Variants in CDC42BPG observed in about 807,000 individuals in gnomAD.
The protein encoded by CDC42BPG is CDC42 binding protein kinase gamma.
A neutral mutation model predicts 192.2 loss-of-function variants in CDC42BPG; 157 were observed. That is an observed-to-expected ratio of 0.82 (90% CI 0.72 to 0.93). CDC42BPG has a LOEUF of 0.93. CDC42BPG is among the 40% of genes least tolerant of loss of function. CDC42BPG has a pLI of 0.00. For synonymous variants in CDC42BPG, 981 were observed against 918.5 expected (o/e 1.07, Z -1.23); for missense variants, 1,992 against 2,122.1 (o/e 0.94, Z 1.20).
rs1001252663 is a variant in CDC42BPG at position 64,839,233 on chromosome 11, C to T, written c.676G>A (p.Val226Met). The change falls in exon 7 of 37, where the codon GTG becomes ATG. Residue 226 changes from valine (V) to methionine (M), a missense_variant and splice_region_variant. Val to Met is a conservative substitution (Grantham distance 21). This residue lies in a region of CDC42BPG where 1,656 missense variants were observed against 1,844.3 expected (regional missense o/e 0.90). Coordinates refer to ENST00000342711, the MANE Select transcript of CDC42BPG (RefSeq NM_017525.3). ...GTCCCTACTGCCACTGATGAATCCACCTGTGGGTGGTGGTGGTGAAGCCAT... is the reference window on the plus strand; with the variant it reads ...GTCCCTACTGCCACTGATGAATCCATCTGTGGGTGGTGGTGGTGAAGCCAT... ...SCLRLNTNGM[V>M]DSSVAVGTPD... 3 of 1,612,934 alleles carry T rather than the reference C, an allele frequency of 1.9e-6. No homozygotes were observed. The highest frequency in any genetic ancestry group is 2.2e-5 in the South Asian group (2 of 91,090).
chr11:64,844,104 A>G (rs577092749), intron 1 of CDC42BPG, among the ~76,000 whole-genome samples: 20 of 152,150 alleles, frequency 1.3e-4, no homozygotes, highest in Middle Eastern at 3.4e-3. Context: ...GGAAATCTGT[A>G]AGGGACTCTA....
chr11:64,829,783 T>C lies in CDC42BPG; in HGVS notation c.3655A>G (p.Ile1219Val), dbSNP rs1349476409. ...GPGPGPWQRR[I>V]RELQAPATVQ... ...GTGGCAGGTGCCTGCAGCTCACGGA[T>C]GCGGCGCTGCCAGGGCCCAGGGCCC... Residue 1219 changes from isoleucine to valine, a missense_variant, in exon 30 of 37, where the codon ATC (isoleucine) becomes GTC (valine). This residue lies in a region of CDC42BPG where 1,656 missense variants were observed against 1,844.3 expected (regional missense o/e 0.90). Transcript: ENST00000342711. The C allele has an allele frequency of 6.3e-7, 1 of 1,599,428 alleles. No individual in the cohort carries two copies. The highest frequency in any genetic ancestry group is 8.5e-7 in the Non-Finnish European group (1 of 1,175,104).
chr11:64,825,910 A>G (rs1407660377), intron 36 of CDC42BPG, among the ~76,000 whole-genome samples: 1 of 152,010 alleles, frequency 6.6e-6, no homozygotes, highest in Non-Finnish European at 1.5e-5. Context: ...TACTTAAAAT[A>G]CAAGAATTAG....
chr11:64,844,410 C>T lies in CDC42BPG; in HGVS notation c.160G>A (p.Ala54Thr). 1 of 1,463,204 alleles carries T rather than the reference C, an allele frequency of 6.8e-7. No individual in the cohort carries two copies. The highest frequency in any genetic ancestry group is 9.0e-7 in the Non-Finnish European group (1 of 1,113,716). The allele number at this position is 1,463,204 out of a possible 1,614,324, so 90.6% of individuals were successfully genotyped here. Residue 54 changes from alanine to threonine, a missense_variant and splice_region_variant, in exon 1 of 37, where the codon GCC (alanine) becomes ACC (threonine). By Grantham distance (58) the Ala-to-Thr change is moderately conservative (BLOSUM62 0). Transcript: ENST00000342711. Reference sequence around the variant, plus strand: ...CGCTCCGTGCCGCCCCGCCACTCACCCCAGCTCAGGAACTGCGCCACGCTG... The same window carrying T: ...CGCTCCGTGCCGCCCCGCCACTCACTCCAGCTCAGGAACTGCGCCACGCTG... ...ERSVAQFLSWASPFVSKVKEL... is the reference protein window; with the variant it reads ...ERSVAQFLSWTSPFVSKVKEL...
chr11:64,824,417 C>G lies in CDC42BPG; in HGVS notation c.*56G>C. ...GCCGGAGTATGGCATTCCTCAAGCT[C>G]TTTGCTCCCTCATGTCCTTCTGCCC... On this transcript the variant is annotated 3_prime_UTR_variant, in exon 37 of 37. Coordinates refer to ENST00000342711, the MANE Select transcript of CDC42BPG (RefSeq NM_017525.3). 1 of 1,209,154 alleles carries G rather than the reference C, an allele frequency of 8.3e-7. No individual in the cohort carries two copies. The highest frequency in any genetic ancestry group is 1.2e-6 in the Non-Finnish European group (1 of 808,772). The allele number at this position is 1,209,154 out of a possible 1,614,324, so 74.9% of individuals were successfully genotyped here.
rs1229883305 is a variant in CDC42BPG, at chr11:64,834,335, T to A, written c.2344A>T (p.Lys782Ter). The change falls in exon 20 of 37, where the codon AAG (lysine) becomes TAG (stop). Residue 782 changes from lysine (K) to a stop codon, truncating the protein, a stop_gained. Coordinates refer to ENST00000342711, the MANE Select transcript of CDC42BPG (RefSeq NM_017525.3). LOFTEE classifies it high-confidence loss of function. ...TCCTGTTGCAGGGCCTGGCTCTGCT[T>A]CTCGGCCTCCTGCAGACGGCTGGGG... ...QAERRLQEAE[K>*]QSQALQQELA... 1.9e-6 allele frequency: 3 copies of A among 1,573,902 alleles called. No homozygotes were observed. The highest frequency in any genetic ancestry group is 1.4e-5 in the African/African-American group (1 of 73,920).
rs778659476 is a variant in CDC42BPG at position 64,829,487 on chromosome 11, T to C, written c.3951A>G (p.Ala1317=). The change falls in exon 30 of 37, where the codon GCA becomes GCG. Residue 1317 remains alanine, a synonymous_variant. Transcript: ENST00000342711. ...AGGCCTTACCCCAGCCCATGGGCGC[T>C]GCTGGCCACAACAGCTCGTGGCCAC... ...KSRGHELLWP[A]APMGWGYAAP... 2.5e-5 allele frequency: 41 copies of C among 1,612,736 alleles called. 1 individual carries two copies. The South Asian group carries it at 4.4e-4, about 17-fold the overall frequency.
chr11:64,836,188 C>T lies in CDC42BPG; in HGVS notation c.1597G>A (p.Glu533Lys), dbSNP rs752981623. ...CGGGTCTGGCTAGCTGTGGCCGCCT[C>T]TCTCTCCTGGGCCTCCTGTAGCCTC... ...LQRLQEAQER[E>K]AATASQTRAL... Residue 533 changes from glutamate to lysine, a missense_variant, in exon 13 of 37, where the codon GAG becomes AAG. Around this residue, in one of 2 missense-constraint regions of CDC42BPG, gnomAD observed 1,656 missense variants for 1,844.3 expected, o/e 0.90. Transcript: ENST00000342711. The T allele has an allele frequency of 6.3e-7, 1 of 1,597,058 alleles. No homozygotes were observed. The highest frequency in any genetic ancestry group is 8.5e-7 in the Non-Finnish European group (1 of 1,173,656).
chr11:64,827,647 C>T (rs758576550), intron 31 of CDC42BPG, 36 bp from the exon 32 acceptor site: 1 of 1,605,474 alleles, frequency 6.2e-7, no homozygotes, highest in South Asian at 1.1e-5. Context: ...GCCACGCCTC[C>T]ACCCCCGGCG....
At chr11:64,841,600 C>A in intron 3 of CDC42BPG, 50 bp downstream of exon 3, 1 of 1,534,010 alleles carries the variant, frequency 6.5e-7, no homozygotes. Flanking sequence ...ATACACCTCC[C>A]CCACACCCAT....
rs375836820 is a variant in CDC42BPG at position 64,834,278 on chromosome 11, G to C, written c.2401C>G (p.Arg801Gly). ...LAMLREELRA[R>G]GPVDTKPSNS... ...GGCAGCCACTCACCCACTGGCCCTC[G>C]GGCCCGCAGCTCCTCCCGCAGCATG... Residue 801 changes from arginine (R) to glycine (G), a missense_variant, in exon 20 of 37, where the codon CGA (arginine) becomes GGA (glycine). Physicochemically the swap from Arg to Gly is moderately radical, Grantham distance 125. Transcript: ENST00000342711. The C allele has an allele frequency of 3.2e-6, 5 of 1,573,924 alleles. No individual in the cohort carries two copies. The highest frequency in any genetic ancestry group is 3.4e-6 in the Non-Finnish European group (4 of 1,165,664).
chr11:64,837,765 C>T (rs1943085614), intron 9 of CDC42BPG, among the ~76,000 whole-genome samples: 1 of 152,196 alleles, frequency 6.6e-6, no homozygotes, highest in Non-Finnish European at 1.5e-5. Context: ...CCTGGTCCAT[C>T]CCACCCATTT....
rs753709120 is a variant in CDC42BPG, at chr11:64,826,575, G to C, written c.4514-20C>G. 18 of 1,596,726 alleles carry C rather than the reference G, an allele frequency of 1.1e-5. No homozygotes were observed. Among genetic ancestry groups the C allele is most frequent in the Non-Finnish European group, 1.5e-5 (18 of 1,172,430 alleles). The stretch of plus-strand genomic sequence containing the variant: ...TCTTCACTGCTCCAGCAGCAGACGA[G>C]GAGACAAAAATACCAAGATCAGATT... On this transcript the variant is annotated intron_variant, in intron 35 of 36. Coordinates refer to ENST00000342711, the MANE Select transcript of CDC42BPG (RefSeq NM_017525.3).
intron 9 of CDC42BPG, 49 bp downstream of exon 9, chr11:64,838,034 G>A: frequency 1.3e-6 from 2 of 1,500,950 alleles, no homozygotes; most frequent in Non-Finnish European, 1.8e-6. Context: ...GTGTCCTCCA[G>A]GTCAGGCAAC....
chr11:64,844,305 G>T, intron 1 of CDC42BPG, 105 bp downstream of exon 1: 1 of 1,139,142 alleles, frequency 8.8e-7, no homozygotes, highest in Non-Finnish European at 1.1e-6. Context: ...AGTCTGCGAG[G>T]GAAGCCCGTG....
chr11:64,824,316 T>C lies in CDC42BPG; in HGVS notation c.*157A>G. ...GCTGGGAGTCAGGACCCCCAAGTCC[T>C]GGGAACCCAGGCAAGTCTCCCAGTC... On this transcript the variant is annotated 3_prime_UTR_variant, in exon 37 of 37. Transcript: ENST00000342711. The C allele has an allele frequency of 4.2e-6, 3 of 720,936 alleles. No homozygotes were observed. Among genetic ancestry groups the C allele is most frequent in the East Asian group, 2.6e-5 (1 of 38,412 alleles). The allele number at this position is 720,936 out of a possible 1,614,324, so 44.7% of individuals were successfully genotyped here.
In CDC42BPG at chr11:64,840,576, C is replaced by T. The variant is rs780630955; in HGVS notation, c.409G>A (p.Ala137Thr). The change falls in exon 4 of 37, where the codon GCC (alanine) becomes ACC (threonine). Residue 137 changes from alanine to threonine, a missense_variant. By Grantham distance (58) the Ala-to-Thr change is moderately conservative. This residue lies in a region of CDC42BPG where 1,656 missense variants were observed against 1,844.3 expected (regional missense o/e 0.90). Transcript: ENST00000342711. ...DSRWVTTLHY[A>T]FQDEEYLYLV... Reference sequence around the variant, plus strand: ...ACCAGGTACTCCTCGTCTTGGAAGGCATAGTGCAGAGTGGTCACCCAACGG... The same window carrying T: ...ACCAGGTACTCCTCGTCTTGGAAGGTATAGTGCAGAGTGGTCACCCAACGG... The T allele has an allele frequency of 3.7e-6, 6 of 1,614,000 alleles. No individual in the cohort carries two copies. The East Asian group carries it at 1.1e-4, about 30-fold the overall frequency.
Position 64,833,280 on chromosome 11 carries a change from G to A in CDC42BPG, c.2682C>T (p.Arg894=), listed in dbSNP as rs953595993. 3.2e-6 allele frequency: 5 copies of A among 1,547,536 alleles called. No individual in the cohort carries two copies. In the African/African-American group the frequency reaches 4.1e-5, roughly 13 times the overall value. Residue 894 remains arginine, a synonymous_variant, in exon 24 of 37, where the codon CGC becomes CGT. Coordinates refer to ENST00000342711, the MANE Select transcript of CDC42BPG (RefSeq NM_017525.3). ...CCAGGCCCAGCATCAGCGAGGTGCA[G>A]CGGAGACACTTGGTCGGGGATGGGA... The part of the protein sequence containing the change: ...RSFPSPTKCL[R]CTSLMLGLGR...
rs552122404 is a variant in CDC42BPG, at chr11:64,843,570, C to T, written c.160+840G>A. 2.4e-3 allele frequency among the ~76,000 whole-genome samples: 363 copies of T among 152,296 alleles called. 1 individual carries two copies. Among genetic ancestry groups the T allele is most frequent in the African/African-American group, 8.0e-3 (333 of 41,564 alleles). ...TAGTTGCCCACTGGGCAAACACCTGCCTCACCCCGCCCTGGCCAGGCCCCC... is the reference window on the plus strand; with the variant it reads ...TAGTTGCCCACTGGGCAAACACCTGTCTCACCCCGCCCTGGCCAGGCCCCC... On this transcript the variant is annotated intron_variant, in intron 1 of 36. Coordinates refer to ENST00000342711, the MANE Select transcript of CDC42BPG (RefSeq NM_017525.3).
Sources: gnomAD v4.1 joint callset for allele counts (sites outside exome capture counted in the v4.1 genomes callset) on GRCh38, gnomAD v4.1.1 for gene constraint, gnomAD v4.1.1 regional missense constraint, MANE v1.5 for transcripts, NCBI Gene and HGNC (gene_info 2026-07-23, HGNC 2026-07-21) for gene names.